Variants in MOB3B observed in about 807,000 individuals in gnomAD.
MOB3B encodes the protein MOB kinase activator 3B, also known as MOB kinase activator-like 2B.
A neutral mutation model predicts 18.7 loss-of-function variants in MOB3B; 7 were observed. The ratio of observed to expected loss-of-function variants is 0.37; its 90% CI spans 0.21 to 0.70. The LOEUF is 0.70. Among genes scored for constraint, MOB3B ranks in the 30% least tolerant of loss-of-function variants. The probability of loss-of-function intolerance (pLI) is 0.52; values close to 1 mark genes in which losing one functional copy is unlikely to be tolerated. For synonymous variants in MOB3B, 111 were observed against 99.9 expected (o/e 1.11, Z -0.66); for missense variants, 253 against 281.3 (o/e 0.90, Z 0.72).
intron 3 of MOB3B, among the ~76,000 whole-genome samples, chr9:27,354,832 C>T (rs1028045900): frequency 1.3e-5 from 2 of 152,152 alleles, no homozygotes; most frequent in African/African-American, 2.4e-5. Flanking sequence ...GGGAATCAAT[C>T]GTTAAGACAG....
At chr9:27,460,694 G>A (rs908327753) in intron 1 of MOB3B, among the ~76,000 whole-genome samples, 2 of 152,126 alleles carry the variant, frequency 1.3e-5, no homozygotes, top group South Asian at 2.1e-4. Context: ...GTGAGGTGGA[G>A]GACTCCTCCT....
intron 2 of MOB3B, among the ~76,000 whole-genome samples, chr9:27,401,924 T>A (rs1276978086): frequency 6.6e-6 from 1 of 152,194 alleles, no homozygotes; most frequent in Non-Finnish European, 1.5e-5. Flanking sequence ...CTCTACTAGT[T>A]TTTTTCTGGT....
chr9:27,343,106 GAGA>G (rs2131341073), intron 3 of MOB3B, among the ~76,000 whole-genome samples: 1 of 152,026 alleles, frequency 6.6e-6, no homozygotes, highest in African/African-American at 2.4e-5. Context: ...GTAGACATGG[GAGA>G]CTCCATTTTG....
At chr9:27,369,137 G>C (rs1437165650) in intron 2 of MOB3B, among the ~76,000 whole-genome samples, 1 of 152,202 alleles carries the variant, frequency 6.6e-6, no homozygotes, top group Admixed American at 6.5e-5. Context: ...ATTGGTTCTG[G>C]AAAGTCAGGC....
At chr9:27,397,291 A>G (rs1293743574) in intron 2 of MOB3B, 1 of 152,046 alleles carries the variant, frequency 6.6e-6, no homozygotes, top group Non-Finnish European at 1.5e-5. Flanking sequence ...TGAGTTTTAC[A>G]GAAGTGGCAA....
chr9:27,524,796 G>A (rs1820404352), intron 1 of MOB3B: 4 of 1,614,018 alleles, frequency 2.5e-6, no homozygotes, highest in Non-Finnish European at 3.4e-6. Context: ...AGAAGCCAGG[G>A]TCCCCCAGCT....
intron 2 of MOB3B, among the ~76,000 whole-genome samples, chr9:27,430,424 A>G (rs955351314): frequency 2.0e-5 from 3 of 152,296 alleles, no homozygotes; most frequent in Non-Finnish European, 1.5e-5. Flanking sequence ...TTCCTGAGCA[A>G]AGGAAGCTAC....
chr9:27,390,000 G>T, intron 2 of MOB3B, among the ~76,000 whole-genome samples: 1 of 152,052 alleles, frequency 6.6e-6, no homozygotes, highest in East Asian at 1.9e-4. Context: ...AATGAAAGTA[G>T]AAGTACACCA....
intron 1 of MOB3B, among the ~76,000 whole-genome samples, chr9:27,467,331 T>C (rs1252093435): frequency 6.6e-6 from 1 of 152,222 alleles, no homozygotes; most frequent in Non-Finnish European, 1.5e-5. Context: ...CTAATACCAA[T>C]ATCACAGTGG....
intron 2 of MOB3B, among the ~76,000 whole-genome samples, chr9:27,414,790 T>C (rs1822121186): frequency 6.6e-6 from 1 of 152,210 alleles, no homozygotes; most frequent in Non-Finnish European, 1.5e-5. Context: ...GCTCAGATCT[T>C]CAGAATTCTT....
intron 3 of MOB3B, among the ~76,000 whole-genome samples, chr9:27,337,206 G>C (rs1820877171): frequency 6.6e-6 from 1 of 152,238 alleles, no homozygotes; most frequent in Admixed American, 6.5e-5. Flanking sequence ...CCACAGCAAG[G>C]CTAAGGCCCT....
At chr9:27,331,216 G>A (rs980245927) in intron 3 of MOB3B, among the ~76,000 whole-genome samples, 7 of 152,158 alleles carry the variant, frequency 4.6e-5, no homozygotes, top group Non-Finnish European at 1.0e-4. Context: ...TATAGATCCC[G>A]AATAGCCATC....
chr9:27,325,870 A>G lies in MOB3B; in HGVS notation c.*4717T>C, dbSNP rs1380816297. 2 of 152,160 alleles carry G rather than the reference A, an allele frequency of 1.3e-5. No homozygotes were observed. The highest frequency in any genetic ancestry group is 2.4e-5 in the African/African-American group (1 of 41,436). The allele number at this position is 152,160 out of a possible 1,614,324, so 9.4% of individuals were successfully genotyped here. A position where few individuals can be genotyped will look rare whatever the true frequency, so the allele number is the denominator to read the frequency against. On this transcript the variant is annotated 3_prime_UTR_variant, in exon 4 of 4. Coordinates refer to ENST00000262244, the MANE Select transcript of MOB3B (RefSeq NM_024761.5). ...TAAGGTTTAGAGAACATAGGAAGCA[A>G]TTTGCTTCCATCAATAACCAGAATG...
At position 27,437,727 on chromosome 9, in the gene MOB3B, G is replaced by A. The variant is rs947581756; in HGVS notation, c.418+17406C>T. ...GAGCAGTGAGCTATACAATAGAAGC[G>A]AGAGTCATCCACAGGGACACATCTG... On this transcript the variant is annotated intron_variant, in intron 2 of 3. Transcript: ENST00000262244. Among the ~76,000 whole-genome samples the A allele has an allele frequency of 4.6e-5, 7 of 152,158 alleles. No individual in the cohort carries two copies. The East Asian group carries it at 5.8e-4, about 13-fold the overall frequency.
chr9:27,455,772 A>T, intron 1 of MOB3B, 24 bp from the exon 2 acceptor site: 1 of 1,417,052 alleles, frequency 7.1e-7, no homozygotes, highest in Non-Finnish European at 9.2e-7. Context: ...AGAAAAGGGA[A>T]CACATGAGTG....
chr9:27,339,881 G>A (rs1047944919), intron 3 of MOB3B, among the ~76,000 whole-genome samples: 3 of 152,202 alleles, frequency 2.0e-5, no homozygotes, highest in Admixed American at 2.0e-4. Flanking sequence ...CCACAGCCAG[G>A]GCTGCTGTTC....
intron 1 of MOB3B, among the ~76,000 whole-genome samples, chr9:27,484,920 A>G (rs552472564): frequency 2.0e-5 from 3 of 152,202 alleles, no homozygotes; most frequent in Admixed American, 2.0e-4. Flanking sequence ...CATGGAGTAC[A>G]GTGACCATTA....
rs182879823 is a variant in MOB3B at position 27,515,221 on chromosome 9, G to A, written c.-199+14334C>T. ...GTTGTTTTCCCTCAATTCTGATTTC[G>A]TTAACTAATCTTTGTTCTCTTGTAT... On this transcript the variant is annotated intron_variant, in intron 1 of 3. Transcript: ENST00000262244. Among the ~76,000 whole-genome samples the A allele has an allele frequency of 4.6e-5, 7 of 152,170 alleles. No homozygotes were observed. The East Asian group carries it at 5.8e-4, about 13-fold the overall frequency.
chr9:27,340,800 G>A (rs1003984272), intron 3 of MOB3B, among the ~76,000 whole-genome samples: 11 of 152,108 alleles, frequency 7.2e-5, no homozygotes, highest in Admixed American at 5.9e-4. Flanking sequence ...GCTGCTCCCC[G>A]CTCCTTTCCT....
Sources: allele counts gnomAD v4.1 joint callset (sites outside exome capture counted in the v4.1 genomes callset), GRCh38; gene constraint gnomAD v4.1.1; transcripts MANE v1.5; gene names NCBI Gene and HGNC (gene_info 2026-07-23, HGNC 2026-07-21).